ZNF804B: variants seen among roughly 807,000 people sequenced by gnomAD.
ZNF804B encodes the protein zinc finger protein 804B.
In ZNF804B, 80 loss-of-function variants were observed where a neutral mutation model predicts 101.4. That is an observed-to-expected ratio of 0.79 (90% confidence interval 0.66 to 0.95). The LOEUF (loss-of-function observed/expected upper bound fraction) is 0.95. Ranked by LOEUF, ZNF804B falls within the 40% of genes least tolerant of loss-of-function variation. The pLI is 0.00. For synonymous variants in ZNF804B, 622 were observed against 558.8 expected, an observed-to-expected ratio of 1.11 and a Z score of -1.59; for missense variants, 1,673 against 1,561.9, an observed-to-expected ratio of 1.07 and a Z score of -1.20.
chr7:88,946,896 A>G (rs1318161813), intron 1 of ZNF804B, among the ~76,000 whole-genome samples: 1 of 151,986 alleles, frequency 6.6e-6, no homozygotes, highest in Admixed American at 6.6e-5. Flanking sequence ...TTATGTGGCC[A>G]ATAAACATAC....
chr7:88,877,034 T>TATA (rs1791958600), intron 1 of ZNF804B, among the ~76,000 whole-genome samples: 2 of 45,582 alleles, frequency 4.4e-5, no homozygotes, highest in African/African-American at 2.2e-4. Context: ...ATAATATATA[T>TATA]ATATATATAT....
chr7:89,323,495 A>G (rs941701794), intron 2 of ZNF804B, among the ~76,000 whole-genome samples: 1 of 152,208 alleles, frequency 6.6e-6, no homozygotes, highest in African/African-American at 2.4e-5. Context: ...TATTCACTAC[A>G]TAAAGGGAAA....
chr7:88,777,797 G>A (rs528382887), intron 1 of ZNF804B, among the ~76,000 whole-genome samples: 3 of 141,070 alleles, frequency 2.1e-5, no homozygotes, highest in East Asian at 2.2e-4. Context: ...GCAGTGAGCC[G>A]AGATCACACC....
At chr7:89,124,805 A>T (rs867438829) in intron 1 of ZNF804B, among the ~76,000 whole-genome samples, 1 of 150,394 alleles carries the variant, frequency 6.6e-6, no homozygotes, top group Non-Finnish European at 1.5e-5. Context: ...GACTAATAGA[A>T]TTTTTTTTTT....
intron 1 of ZNF804B, among the ~76,000 whole-genome samples, chr7:89,080,126 A>T (rs2116311401): frequency 6.6e-6 from 1 of 152,062 alleles, no homozygotes; most frequent in East Asian, 1.9e-4. Context: ...ATAATCAAGG[A>T]TAAAGATGGT....
rs143554351 is a variant in ZNF804B at position 88,874,770 on chromosome 7, G to C, written c.108+114686G>C. 3.2e-3 allele frequency among the ~76,000 whole-genome samples: 492 copies of C among 151,878 alleles called. 3 individuals carry two copies. Among genetic ancestry groups the C allele is most frequent in the Non-Finnish European group, 5.2e-3 (353 of 67,962 alleles). On this transcript the variant is annotated intron_variant, in intron 1 of 3. Transcript: ENST00000333190. ...ATCAACGAGACAGAAAGTCAACAAG[G>C]ATACCCAGGAATTGAACTCAGCTCT... is the stretch of plus-strand genomic sequence containing the variant.
intron 2 of ZNF804B, among the ~76,000 whole-genome samples, chr7:89,265,832 C>T (rs1315489573): frequency 1.3e-5 from 2 of 152,090 alleles, no homozygotes; most frequent in Non-Finnish European, 1.5e-5. Flanking sequence ...GGCAATAGTC[C>T]CAGGCATGGA....
chr7:88,913,614 T>C (rs541676748), intron 1 of ZNF804B, among the ~76,000 whole-genome samples: 1 of 152,280 alleles, frequency 6.6e-6, no homozygotes, highest in South Asian at 2.1e-4. Flanking sequence ...CAGGCTGGTC[T>C]CGAAATCCTG....
At chr7:88,921,904 T>A (rs1792725624) in intron 1 of ZNF804B, among the ~76,000 whole-genome samples, 1 of 152,110 alleles carries the variant, frequency 6.6e-6, no homozygotes, top group African/African-American at 2.4e-5. Flanking sequence ...TACTGATATA[T>A]AACTAGCTGT....
intron 1 of ZNF804B, among the ~76,000 whole-genome samples, chr7:89,120,317 C>A (rs917237013): frequency 1.5e-4 from 23 of 150,856 alleles, no homozygotes; most frequent in African/African-American, 4.9e-4. Context: ...CCAAACCAAA[C>A]CAAAACAAAA....
At chr7:89,287,869 T>C (rs1186796310) in intron 2 of ZNF804B, among the ~76,000 whole-genome samples, 2 of 151,616 alleles carry the variant, frequency 1.3e-5, no homozygotes, top group Admixed American at 6.6e-5. Context: ...AAGCTTTCCC[T>C]AACAAAGCCT....
rs528969331 is a variant in ZNF804B at position 88,783,539 on chromosome 7, A to G, written c.108+23455A>G. Reference sequence around the variant, plus strand: ...AGTCATATTTCTTAAAAAATAGTACATTTTGAAAAGAGATGCTGATCATTG... The same window carrying G: ...AGTCATATTTCTTAAAAAATAGTACGTTTTGAAAAGAGATGCTGATCATTG... On this transcript the variant is annotated intron_variant, in intron 1 of 3. Transcript: ENST00000333190. Among the ~76,000 whole-genome samples, 10 of 152,280 alleles carry G rather than the reference A, an allele frequency of 6.6e-5. No individual in the cohort carries two copies. In the South Asian group the frequency reaches 1.2e-3, roughly 19 times the overall value.
At chr7:88,938,743 C>G (rs1793011151) in intron 1 of ZNF804B, among the ~76,000 whole-genome samples, 1 of 151,916 alleles carries the variant, frequency 6.6e-6, no homozygotes, top group Non-Finnish European at 1.5e-5. Context: ...GATAAAATAA[C>G]CAACTCAGAA....
At chr7:89,171,406 CTTCT>C (rs1791233627) in intron 1 of ZNF804B, among the ~76,000 whole-genome samples, 1 of 109,400 alleles carries the variant, frequency 9.1e-6, no homozygotes, top group African/African-American at 3.2e-5. Flanking sequence ...TCTTCTTCTT[CTTCT>C]TCTTCTTCTC....
At chr7:89,140,396 G>T (rs920139324) in intron 1 of ZNF804B, among the ~76,000 whole-genome samples, 13 of 151,982 alleles carry the variant, frequency 8.6e-5, no homozygotes, top group African/African-American at 3.1e-4. Context: ...GCCAGATTTT[G>T]ACTTTTACTC....
At chr7:88,768,508 A>G (rs1790016929) in intron 1 of ZNF804B, among the ~76,000 whole-genome samples, 2 of 152,212 alleles carry the variant, frequency 1.3e-5, no homozygotes, top group Admixed American at 1.3e-4. Context: ...GCCTGGGCTC[A>G]GGAGTTTGAG....
chr7:89,024,355 C>G (rs969613956), intron 1 of ZNF804B, among the ~76,000 whole-genome samples: 1 of 152,122 alleles, frequency 6.6e-6, no homozygotes, highest in Non-Finnish European at 1.5e-5. Flanking sequence ...TCCCTACTCA[C>G]TTGATAATTT....
chr7:89,083,067 T>A (rs1290656464), intron 1 of ZNF804B, among the ~76,000 whole-genome samples: 1 of 151,830 alleles, frequency 6.6e-6, no homozygotes, highest in African/African-American at 2.4e-5. Flanking sequence ...TTTTTGTAAA[T>A]GTCCTTTGAA....
chr7:88,822,036 G>A (rs1478023467), intron 1 of ZNF804B, among the ~76,000 whole-genome samples: 1 of 152,264 alleles, frequency 6.6e-6, no homozygotes, highest in Admixed American at 6.5e-5. Context: ...AGTACAAACG[G>A]TCATTGACTC....
Sources: allele counts gnomAD v4.1 joint callset (sites outside exome capture counted in the v4.1 genomes callset), GRCh38; gene constraint gnomAD v4.1.1; transcripts MANE v1.5; gene names NCBI Gene and HGNC (gene_info 2026-07-23, HGNC 2026-07-21).